Variants in MXI1 observed in about 807,000 individuals in gnomAD.
MXI1 encodes MAX interactor 1, dimerization protein.
A neutral mutation model predicts 36.9 loss-of-function variants in MXI1; 18 were observed. That is an observed-to-expected ratio of 0.49 (90% CI 0.34 to 0.72). The LOEUF is 0.72. MXI1 is among the 30% of genes least tolerant of loss of function. The pLI is 0.01. For missense variants in MXI1, 304 were observed against 379.1 expected (o/e 0.80, Z 1.64); for synonymous variants, 160 against 146.7 (o/e 1.09, Z -0.65).
At chr10:110,221,577 T>C (rs1428909487) in intron 1 of MXI1, among the ~76,000 whole-genome samples, 2 of 152,144 alleles carry the variant, frequency 1.3e-5, no homozygotes, top group Non-Finnish European at 2.9e-5. Context: ...GAAAAGGACA[T>C]TTGAGAGATT....
intron 3 of MXI1, among the ~76,000 whole-genome samples, chr10:110,273,946 A>C (rs1470729941): frequency 1.3e-5 from 2 of 152,232 alleles, no homozygotes; most frequent in African/African-American, 4.8e-5. Flanking sequence ...TGAAAAACAT[A>C]ATCAAATGAT....
chr10:110,266,633 G>A (rs1276237162), intron 3 of MXI1, among the ~76,000 whole-genome samples: 1 of 152,102 alleles, frequency 6.6e-6, no homozygotes, highest in East Asian at 1.9e-4. Flanking sequence ...TTGTGTTTTG[G>A]AGTACTATTG....
intron 2 of MXI1, among the ~76,000 whole-genome samples, chr10:110,240,169 A>T (rs540712805): frequency 6.6e-6 from 1 of 151,968 alleles, no homozygotes; most frequent in African/African-American, 2.4e-5. Context: ...TATCCATTCT[A>T]CTATTGATGA....
intron 5 of MXI1, among the ~76,000 whole-genome samples, chr10:110,284,056 G>T (rs576545138): frequency 2.6e-5 from 4 of 151,828 alleles, no homozygotes; most frequent in East Asian, 3.9e-4. Context: ...GCCTCCCAAA[G>T]TGCTGGGATT....
At position 110,232,726 on chromosome 10, in the gene MXI1, C is replaced by T. The variant is rs564301132; in HGVS notation, c.407+4405C>T. Among the ~76,000 whole-genome samples the T allele has an allele frequency of 4.6e-5, 7 of 152,214 alleles. No individual in the cohort carries two copies. The South Asian group carries it at 1.5e-3, about 32-fold the overall frequency. On this transcript the variant is annotated intron_variant, in intron 2 of 5. Coordinates refer to ENST00000332674, the MANE Select transcript of MXI1 (RefSeq NM_130439.3). ...TCTTAAATTGAATTTCTTTTTTGTG[C>T]TGAGTACCATATTAGACTGGAAGGA...
chr10:110,278,354 T>C (rs934119499), intron 3 of MXI1, among the ~76,000 whole-genome samples: 1 of 152,158 alleles, frequency 6.6e-6, no homozygotes, highest in Non-Finnish European at 1.5e-5. Context: ...CAGTAAGTAA[T>C]TTTTGTCACC....
chr10:110,271,427 A>T (rs1856849232), intron 3 of MXI1, among the ~76,000 whole-genome samples: 1 of 152,222 alleles, frequency 6.6e-6, no homozygotes, highest in South Asian at 2.1e-4. Context: ...AGAAATGACT[A>T]AAAGTATGGA....
At chr10:110,269,742 G>A (rs1485428952) in intron 3 of MXI1, among the ~76,000 whole-genome samples, 1 of 152,182 alleles carries the variant, frequency 6.6e-6, no homozygotes, top group African/African-American at 2.4e-5. Flanking sequence ...ATGGTGGCTG[G>A]CAGGGTACAA....
intron 2 of MXI1, among the ~76,000 whole-genome samples, chr10:110,238,296 C>T (rs1855541335): frequency 6.6e-6 from 1 of 152,182 alleles, no homozygotes; most frequent in South Asian, 2.1e-4. Context: ...ATGTGACCAT[C>T]CCCTATCCTG....
intron 5 of MXI1, 23 bp from the exon 6 acceptor site, chr10:110,284,801 C>CTTCT (rs1554860458): frequency 0.045 from 45,358 of 1,018,062 alleles, 8 homozygotes; most frequent in South Asian, 0.068. Flanking sequence ...TAATGTTCTT[C>CTTCT]TTTTTTTTTT....
At chr10:110,211,210 C>T (rs1423531279) in intron 1 of MXI1, among the ~76,000 whole-genome samples, 1 of 152,158 alleles carries the variant, frequency 6.6e-6, no homozygotes, top group Admixed American at 6.5e-5. Flanking sequence ...CCTCCTCCCC[C>T]TCCCAGCTAG....
chr10:110,217,339 T>G (rs1348026970), intron 1 of MXI1, among the ~76,000 whole-genome samples: 1 of 152,230 alleles, frequency 6.6e-6, no homozygotes, highest in African/African-American at 2.4e-5. Flanking sequence ...AATTTCTTTT[T>G]CTGTGTCTTT....
intron 1 of MXI1, among the ~76,000 whole-genome samples, chr10:110,214,324 C>T (rs544182671): frequency 5.3e-5 from 8 of 152,286 alleles, no homozygotes; most frequent in South Asian, 4.1e-4. Flanking sequence ...TCAGAAGAGC[C>T]AACCAGAGAG....
In MXI1 at chr10:110,216,665, G is replaced by GTTTTTTTTTTTTTGTTTTTT. The variant is rs1854646409; in HGVS notation, c.274+8596_274+8597insGTTTTTTTTTTTTTTTTTTT. ...CCTGTCTCCCCTATCTGTGTTTAAT[G>GTTTTTTTTTTTTTGTTTTTT]TTTTTTTTTTTTTTTTTTTTGGAGA... On this transcript the variant is annotated intron_variant, in intron 1 of 5. Coordinates refer to ENST00000332674, the MANE Select transcript of MXI1 (RefSeq NM_130439.3). Among the ~76,000 whole-genome samples the GTTTTTTTTTTTTTGTTTTTT allele has an allele frequency of 3.8e-5, 3 of 79,060 alleles. 1 individual carries two copies. The highest frequency in any genetic ancestry group is 6.0e-5 in the Non-Finnish European group (3 of 49,710). The allele number at this position is 79,060 out of a possible 152,430, so 51.9% of individuals were successfully genotyped here. A position where few individuals can be genotyped will look rare whatever the true frequency, so the allele number is the denominator to read the frequency against.
chr10:110,226,852 T>C, intron 1 of MXI1, among the ~76,000 whole-genome samples: 1 of 4,526 alleles, frequency 2.2e-4, no homozygotes, highest in Non-Finnish European at 3.9e-4. Context: ...GAGGGGAGCA[T>C]GTGAGGGGAG....
At chr10:110,226,918 TGA>T (rs374242732) in intron 1 of MXI1, among the ~76,000 whole-genome samples, 29 of 2,042 alleles carry the variant, frequency 0.014, 3 homozygotes, top group Middle Eastern at 0.33. Context: ...TGCGCGCGTG[TGA>T]GGGGAGGGGC....
intron 2 of MXI1, among the ~76,000 whole-genome samples, chr10:110,236,705 GCCA>G (rs971274604): frequency 3.9e-5 from 6 of 152,136 alleles, no homozygotes; most frequent in Non-Finnish European, 8.8e-5. Flanking sequence ...ATGCAGTCCT[GCCA>G]CCTCTACCTT....
chr10:110,251,407 G>T (rs575209672), intron 3 of MXI1, among the ~76,000 whole-genome samples: 57 of 152,152 alleles, frequency 3.7e-4, no homozygotes, highest in Admixed American at 1.6e-3. Flanking sequence ...TTCTATTCTA[G>T]TTAAGGTTAA....
At chr10:110,238,472 A>G (rs1369217373) in intron 2 of MXI1, among the ~76,000 whole-genome samples, 1 of 152,012 alleles carries the variant, frequency 6.6e-6, no homozygotes, top group Non-Finnish European at 1.5e-5. Flanking sequence ...TTTTGTTAGA[A>G]TTTTTGTGTC....
Sources: allele counts gnomAD v4.1 joint callset (sites outside exome capture counted in the v4.1 genomes callset), GRCh38; gene constraint gnomAD v4.1.1; transcripts MANE v1.5; gene names NCBI Gene and HGNC (gene_info 2026-07-23, HGNC 2026-07-21).